The following LRRC37A2 variants were observed in gnomAD, a reference collection of about 807,000 sequenced individuals.
LRRC37A2 encodes the protein leucine-rich repeat-containing protein 37A2.
In LRRC37A2, 9 loss-of-function variants were observed where a neutral mutation model predicts 68.8. That is an observed-to-expected ratio of 0.13 (90% CI 0.08 to 0.23). The LOEUF (loss-of-function observed/expected upper bound fraction) is 0.23, where lower values mean the gene tolerates loss of function less well. LRRC37A2 is among the 10% of genes least tolerant of loss of function. The pLI, the probability that LRRC37A2 is intolerant of heterozygous loss-of-function variation, is 1.00. For missense variants in LRRC37A2, 168 were observed against 950.4 expected (o/e 0.18, Z 10.82); for synonymous variants, 63 against 367.6 (o/e 0.17, Z 9.48).
chr17:46,689,812 T>A, the LRRC37A2 span, among the ~76,000 whole-genome samples: 1 of 150,494 alleles, frequency 6.6e-6, no homozygotes, highest in East Asian at 2.0e-4. Context: ...ACCTAACAAT[T>A]TGCCTTTAGC....
chr17:46,543,191 A>C (rs2055708826), intron 8 of LRRC37A2, among the ~76,000 whole-genome samples: 1 of 150,668 alleles, frequency 6.6e-6, no homozygotes, highest in Non-Finnish European at 1.5e-5. Context: ...TAAATGTCTT[A>C]TGGGAGTTCA....
At chr17:46,929,576 CTG>C in the LRRC37A2 span, 1 of 1,501,726 alleles carries the variant, frequency 6.7e-7, no homozygotes, top group Admixed American at 1.7e-5. Flanking sequence ...GACAAGCAGT[CTG>C]TGCACAGTGA....
the LRRC37A2 span, among the ~76,000 whole-genome samples, chr17:46,927,334 A>ATTTTG: frequency 1.3e-5 from 2 of 151,876 alleles, no homozygotes. Context: ...TCATTTGTTT[A>ATTTTG]TTTTGTGGCT....
At chr17:46,959,170 G>C in the LRRC37A2 span, among the ~76,000 whole-genome samples, 5 of 152,202 alleles carry the variant, frequency 3.3e-5, no homozygotes, top group African/African-American at 4.8e-5. Context: ...GAGGTTGGGC[G>C]TAGTGGCAGA....
At chr17:46,801,810 G>T in the LRRC37A2 span, among the ~76,000 whole-genome samples, 2 of 152,152 alleles carry the variant, frequency 1.3e-5, no homozygotes, top group Non-Finnish European at 2.9e-5. Context: ...TGCCAAGGGA[G>T]GGATGGAGAT....
At chr17:46,876,863 C>A in the LRRC37A2 span, 1 of 1,404,810 alleles carries the variant, frequency 7.1e-7, no homozygotes, top group Non-Finnish European at 9.3e-7. Context: ...TGCCACTCAC[C>A]ACCATTCCTT....
the LRRC37A2 span, among the ~76,000 whole-genome samples, chr17:46,736,616 GAA>G: frequency 6.6e-6 from 1 of 151,866 alleles, no homozygotes; most frequent in African/African-American, 2.4e-5. Context: ...TGATAATCAG[GAA>G]AAAATAAAAA....
the LRRC37A2 span, chr17:46,932,621 G>A: frequency 2.9e-6 from 1 of 341,288 alleles, no homozygotes; most frequent in Non-Finnish European, 5.4e-6. Flanking sequence ...CCAGTGTCAG[G>A]TGCATTAAGA....
the LRRC37A2 span, chr17:46,830,516 G>T: frequency 1.0e-5 from 4 of 395,504 alleles, no homozygotes; most frequent in Non-Finnish European, 1.8e-5. Context: ...AAAGGGCTGG[G>T]ATTACAGGCA....
the LRRC37A2 span, among the ~76,000 whole-genome samples, chr17:46,974,214 C>A: frequency 5.3e-5 from 8 of 152,332 alleles, no homozygotes; most frequent in South Asian, 2.1e-4. Flanking sequence ...GGGAGCAAAG[C>A]AAGTGCCAGG....
the LRRC37A2 span, among the ~76,000 whole-genome samples, chr17:46,569,429 C>T: frequency 6.7e-6 from 1 of 150,064 alleles, no homozygotes; most frequent in Non-Finnish European, 1.5e-5. Flanking sequence ...CTGGGATGGG[C>T]AAAATGCTTA....
At chr17:46,830,261 C>A in the LRRC37A2 span, among the ~76,000 whole-genome samples, 1 of 151,906 alleles carries the variant, frequency 6.6e-6, no homozygotes, top group African/African-American at 2.4e-5. Context: ...TATTTCCTTT[C>A]TTTTTTTTGA....
the LRRC37A2 span, among the ~76,000 whole-genome samples, chr17:46,493,793 T>C: frequency 6.6e-6 from 1 of 150,812 alleles, no homozygotes; most frequent in Non-Finnish European, 1.5e-5. Context: ...TGCCTCGGCC[T>C]CCCAAAGTGC....
the LRRC37A2 span, among the ~76,000 whole-genome samples, chr17:46,798,337 G>A: frequency 1.3e-5 from 2 of 152,180 alleles, no homozygotes; most frequent in Non-Finnish European, 2.9e-5. Context: ...TGGACACGAC[G>A]GCCTAGTCAC....
chr17:46,727,852 A>G, the LRRC37A2 span, among the ~76,000 whole-genome samples: 1 of 152,202 alleles, frequency 6.6e-6, no homozygotes, highest in African/African-American at 2.4e-5. Context: ...ATGCTTGCTC[A>G]TTTATTCAAT....
At chr17:46,940,808 T>C in the LRRC37A2 span, 5 of 1,479,880 alleles carry the variant, frequency 3.4e-6, no homozygotes, top group South Asian at 6.7e-5. Flanking sequence ...TTTGGGTCTT[T>C]ACCACCTGCG....
At chr17:46,853,580 C>A in the LRRC37A2 span, among the ~76,000 whole-genome samples, 1 of 151,990 alleles carries the variant, frequency 6.6e-6, no homozygotes, top group Non-Finnish European at 1.5e-5. Context: ...CCATGTTGGC[C>A]AGGCTGGTCT....
At chr17:46,979,420 G>A in the LRRC37A2 span, among the ~76,000 whole-genome samples, 2 of 152,200 alleles carry the variant, frequency 1.3e-5, no homozygotes, top group Admixed American at 6.5e-5. Context: ...AGATCCGGCA[G>A]CCTCTGTCCG....
chr17:46,449,724 G>A, the LRRC37A2 span, among the ~76,000 whole-genome samples: 1 of 99,770 alleles, frequency 1.0e-5, no homozygotes, highest in Non-Finnish European at 2.2e-5. Context: ...TATATGAAAT[G>A]GTGGTGATAG....
Sources: gnomAD v4.1 joint callset for allele counts (sites outside exome capture counted in the v4.1 genomes callset) on GRCh38, gnomAD v4.1.1 for gene constraint, MANE v1.5 for transcripts, NCBI Gene and HGNC (gene_info 2026-07-23, HGNC 2026-07-21) for gene names.